Variants in ANKRD36C observed in about 807,000 individuals in gnomAD.
ANKRD36C encodes the protein ankyrin repeat domain 36C.
In ANKRD36C, 61 loss-of-function variants were observed where a neutral mutation model predicts 276.4. The ratio of observed to expected loss-of-function variants is 0.22; its 90% CI spans 0.18 to 0.27. The LOEUF (loss-of-function observed/expected upper bound fraction) is 0.27, where lower values mean the gene tolerates loss of function less well. ANKRD36C is among the 10% of genes least tolerant of loss of function. The pLI is 1.00. For synonymous variants in ANKRD36C, 483 were observed against 680.1 expected, an observed-to-expected ratio of 0.71 and a Z score of 4.51; for missense variants, 1,447 against 2,032.3, an observed-to-expected ratio of 0.71 and a Z score of 5.54.
chr2:95,919,608 G>T, intron 34 of ANKRD36C, 125 bp downstream of exon 36: 2 of 484,764 alleles, frequency 4.1e-6, no homozygotes, highest in Non-Finnish European at 5.3e-6. Flanking sequence ...AAAATCTCAG[G>T]CCTGCTGAAT....
chr2:95,990,529 C>A (rs1225479223), intron 1 of ANKRD36C, among the ~76,000 whole-genome samples: 1 of 152,122 alleles, frequency 6.6e-6, no homozygotes, highest in Non-Finnish European at 1.5e-5. Context: ...TTTTTTGACT[C>A]CATTTCAAAA....
At chr2:95,978,677 T>A (rs1678859703) in intron 5 of ANKRD36C, among the ~76,000 whole-genome samples, 1 of 152,064 alleles carries the variant, frequency 6.6e-6, no homozygotes, top group South Asian at 2.1e-4. Context: ...TCAAACCCAA[T>A]GTGTATTTTT....
chr2:95,912,322 T>A lies in ANKRD36C; in HGVS notation c.2581-6A>T. Reference sequence around the variant, plus strand: ...TCTTTCTCATCACTTGTAGCCTGAATGGAATTTGAAACAAAATAATAAATA... The same window carrying A: ...TCTTTCTCATCACTTGTAGCCTGAAAGGAATTTGAAACAAAATAATAAATA... On this transcript the variant is annotated splice_polypyrimidine_tract_variant and splice_region_variant and intron_variant, in intron 41 of 66. Transcript: ENST00000456556. 6.3e-7 allele frequency: 1 copy of A among 1,588,784 alleles called. No homozygotes were observed. Among genetic ancestry groups the A allele is most frequent in the East Asian group, 2.3e-5 (1 of 43,594 alleles).
intron 16 of ANKRD36C, among the ~76,000 whole-genome samples, chr2:95,949,589 C>G (rs1271666380): frequency 6.6e-6 from 1 of 152,270 alleles, no homozygotes; most frequent in Non-Finnish European, 1.5e-5. Context: ...ACTGTGTTCA[C>G]TAGAGCCACT....
At chr2:95,965,780 G>GATATATAT (rs145122711) in intron 6 of ANKRD36C, among the ~76,000 whole-genome samples, 290 of 150,896 alleles carry the variant, frequency 1.9e-3, no homozygotes, top group Middle Eastern at 0.014. Flanking sequence ...GGATAGATCT[G>GATATATAT]ATATATATAT....
intron 18 of ANKRD36C, 72 bp from the exon 19 acceptor site, chr2:95,944,766 G>T: frequency 1.3e-6 from 2 of 1,492,222 alleles, no homozygotes; most frequent in Non-Finnish European, 1.8e-6. Context: ...AACCGGGTGT[G>T]GGGGCTCACA....
rs879822147 is a variant in ANKRD36C, at chr2:95,973,411, CAA to C, written c.799+4709_799+4710del. Among the ~76,000 whole-genome samples, 3 of 142,398 alleles carry C rather than the reference CAA, an allele frequency of 2.1e-5. No homozygotes were observed. In the East Asian group the frequency reaches 6.0e-4, roughly 29 times the overall value. 93.4% of individuals were successfully genotyped at this position (142,398 alleles called of 152,430 possible). On this transcript the variant is annotated intron_variant, in intron 6 of 66. Transcript: ENST00000456556. ...TGGGCAACAGAGCGAGACTCAGTCT[CAA>C]AAAAAAAAATCTATTAATAAAAACA... is the stretch of plus-strand genomic sequence containing the variant.
intron 42 of ANKRD36C, among the ~76,000 whole-genome samples, chr2:95,902,399 T>C (rs1450871896): frequency 6.7e-6 from 1 of 150,146 alleles, no homozygotes; most frequent in African/African-American, 2.4e-5. Flanking sequence ...ATAAATGACT[T>C]CCTCTTTTCA....
chr2:95,916,309 G>T (rs1470826015), intron 36 of ANKRD36C, 138 bp from the exon 39 acceptor site: 1 of 1,458,100 alleles, frequency 6.9e-7, no homozygotes, highest in South Asian at 1.2e-5. Context: ...TTTGTGTCTG[G>T]GGACTAGAAC....
exon 3 of ANKRD36C, chr2:95,986,870 C>A: frequency 6.2e-7 from 1 of 1,611,826 alleles, no homozygotes; most frequent in Non-Finnish European, 8.5e-7. Context: ...ATATTTGGAT[C>A]GGCGCCATTT....
chr2:95,968,254 G>T lies in ANKRD36C; in HGVS notation c.800-5707C>A, dbSNP rs577563216. 5.1e-3 allele frequency among the ~76,000 whole-genome samples: 781 copies of T among 152,260 alleles called. 4 individuals carry two copies. Among genetic ancestry groups the T allele is most frequent in the African/African-American group, 0.018 (737 of 41,546 alleles). ...ACTAAAATTATTATTTATACTATTT[G>T]TAGGCAACTAATGAATTAAGAACTC... On this transcript the variant is annotated intron_variant, in intron 6 of 66. Transcript: ENST00000456556.
chr2:95,885,611 G>A (rs553884887), intron 52 of ANKRD36C, among the ~76,000 whole-genome samples: 6 of 151,954 alleles, frequency 3.9e-5, no homozygotes, highest in African/African-American at 1.4e-4. Context: ...GAAAATAATT[G>A]CTACTTCAGT....
At chr2:95,855,962 A>C in exon 63 of ANKRD36C, 2 of 1,613,280 alleles carry the variant, frequency 1.2e-6, no homozygotes, top group Non-Finnish European at 1.7e-6. Context: ...CAAGCTGTCC[A>C]CTATAACAGG....
downstream of ANKRD36C, among the ~76,000 whole-genome samples, chr2:95,850,643 G>A (rs1447712863): frequency 6.6e-6 from 1 of 152,242 alleles, no homozygotes; most frequent in Non-Finnish European, 1.5e-5. Context: ...ACTGATGTGA[G>A]AGTTTTGATT....
chr2:95,884,566 C>T (rs1676159483), intron 52 of ANKRD36C, among the ~76,000 whole-genome samples, 198 bp from the exon 73 acceptor site: 1 of 151,972 alleles, frequency 6.6e-6, no homozygotes, highest in South Asian at 2.1e-4. Context: ...GAAAAATATA[C>T]TTACAATTTC....
intron 13 of ANKRD36C, among the ~76,000 whole-genome samples, chr2:95,954,505 C>CA (rs1331611088): frequency 2.0e-5 from 3 of 152,140 alleles, no homozygotes; most frequent in Non-Finnish European, 2.9e-5. Context: ...GGATCTTCAG[C>CA]ATGTAAGCTA....
In ANKRD36C at chr2:95,917,896, A is replaced by T. The variant is rs559964680; in HGVS notation, c.2306T>A (p.Ile769Asn). ...TCCGTCCTTTATTTCTGTGGCTATA[A>T]TCGAAACAGAATCTTCCTCGTCAGT... is the stretch of plus-strand genomic sequence containing the variant. The change falls in exon 36 of 67, where the codon ATT becomes AAT. Residue 769 changes from isoleucine (I) to asparagine (N), a missense_variant. Around this residue, in one of 13 missense-constraint regions of ANKRD36C, gnomAD observed 565 missense variants for 539.5 expected, o/e 1.05. Transcript: ENST00000456556. The T allele has an allele frequency of 3.5e-4, 565 of 1,607,116 alleles. 6 individuals carry two copies. The East Asian group carries it at 0.012, about 33-fold the overall frequency.
intron 60 of ANKRD36C, among the ~76,000 whole-genome samples, chr2:95,862,619 G>C (rs548617511): frequency 1.3e-5 from 2 of 150,988 alleles, no homozygotes; most frequent in African/African-American, 4.9e-5. Flanking sequence ...TAAGCAACTA[G>C]ATAAAAGAAG....
chr2:95,913,445 C>A (rs945873958), intron 40 of ANKRD36C, among the ~76,000 whole-genome samples: 6 of 151,382 alleles, frequency 4.0e-5, no homozygotes, highest in African/African-American at 1.2e-4. Context: ...CTGATGCCTC[C>A]TAGTAACCAA....
Sources: gnomAD v4.1 joint callset for allele counts (sites outside exome capture counted in the v4.1 genomes callset) on GRCh38, gnomAD v4.1.1 for gene constraint, gnomAD v4.1.1 regional missense constraint, MANE v1.5 for transcripts, NCBI Gene and HGNC (gene_info 2026-07-23, HGNC 2026-07-21) for gene names.